Variants in FRS2 observed in about 807,000 individuals in gnomAD.
FRS2 encodes fibroblast growth factor receptor substrate 2.
Under a neutral mutation model 43.9 loss-of-function variants are expected in FRS2, and 8 were observed. The observed-to-expected ratio is 0.18, with a 90% CI of 0.11 to 0.33. The LOEUF (loss-of-function observed/expected upper bound fraction) is 0.33. Among genes scored for constraint, FRS2 ranks in the 10% least tolerant of loss-of-function variants. The pLI, the probability that FRS2 is intolerant of heterozygous loss-of-function variation, is 1.00. For synonymous variants in FRS2, 219 were observed against 220.3 expected (o/e 0.99, Z 0.05); for missense variants, 534 against 627.6 (o/e 0.85, Z 1.59).
chr12:69,500,449 G>T (rs956752472), intron 1 of FRS2, among the ~76,000 whole-genome samples: 7 of 152,184 alleles, frequency 4.6e-5, no homozygotes, highest in Admixed American at 4.6e-4. Flanking sequence ...TTCTCAGTGT[G>T]TTAGGAAGTT....
Position 69,521,544 on chromosome 12 carries a change from A to T in FRS2, c.-260-9321A>T, listed in dbSNP as rs147619428. 7.1e-3 allele frequency among the ~76,000 whole-genome samples: 1,078 copies of T among 152,264 alleles called. 14 individuals are homozygous for T. Among genetic ancestry groups the T allele is most frequent in the African/African-American group, 0.024 (1,014 of 41,554 alleles). On this transcript the variant is annotated intron_variant, in intron 1 of 8. Transcript: ENST00000549921. ...GTATGATGTTGGCTGTGGGTTTGTCATAGATAGCTCTAATTATTTTGAGGT... is the reference window on the plus strand; with the variant it reads ...GTATGATGTTGGCTGTGGGTTTGTCTTAGATAGCTCTAATTATTTTGAGGT...
chr12:69,487,560 CAA>C (rs1168562873), intron 1 of FRS2, among the ~76,000 whole-genome samples: 1 of 152,230 alleles, frequency 6.6e-6, no homozygotes, highest in Admixed American at 6.5e-5. Context: ...CCTGGTCACT[CAA>C]GAGCTGTGAT....
At chr12:69,478,724 A>ATGTGTGTGTGTGTGTGTG (rs59945124) in intron 1 of FRS2, among the ~76,000 whole-genome samples, 1 of 146,214 alleles carries the variant, frequency 6.8e-6, no homozygotes, top group Admixed American at 6.8e-5. Flanking sequence ...ATACATCATT[A>ATGTGTGTGTGTGTGTGTG]TGTGTGTGTG....
intron 3 of FRS2, among the ~76,000 whole-genome samples, chr12:69,548,347 A>G (rs1878595956): frequency 6.6e-6 from 1 of 152,228 alleles, no homozygotes; most frequent in African/African-American, 2.4e-5. Context: ...TTGAAGATAC[A>G]TCTGAAAGGA....
intron 1 of FRS2, among the ~76,000 whole-genome samples, chr12:69,507,593 G>A (rs1484252872): frequency 6.6e-6 from 1 of 152,142 alleles, no homozygotes; most frequent in Non-Finnish European, 1.5e-5. Context: ...AGACTGTGAT[G>A]TAGTTTTAAT....
At chr12:69,508,626 T>G (rs1414361132) in intron 1 of FRS2, among the ~76,000 whole-genome samples, 1 of 152,242 alleles carries the variant, frequency 6.6e-6, no homozygotes, top group Non-Finnish European at 1.5e-5. Context: ...ATGTGTAGTT[T>G]AAAAAGTCAA....
At position 69,523,029 on chromosome 12, in the gene FRS2, G is replaced by A. The variant is rs11536207; in HGVS notation, c.-260-7836G>A. ...TGTAGTTGATTTTAGAGTATGTGCC[G>A]TATGGCGATAAGAAGAATGTATATT... On this transcript the variant is annotated intron_variant, in intron 1 of 8. Transcript: ENST00000549921. Among the ~76,000 whole-genome samples, 5,338 of 152,254 alleles carry A rather than the reference G, an allele frequency of 0.035. 426 individuals are homozygous for A. In the East Asian group the frequency reaches 0.37, roughly 11 times the overall value.
intron 3 of FRS2, among the ~76,000 whole-genome samples, chr12:69,541,137 CT>C (rs781001542): frequency 2.5e-4 from 38 of 149,146 alleles, no homozygotes; most frequent in Non-Finnish European, 4.9e-4. Context: ...TACTTTGCAA[CT>C]TTTATTAGAT....
At chr12:69,561,305 G>T (rs1184024099) in intron 3 of FRS2, among the ~76,000 whole-genome samples, 1 of 152,168 alleles carries the variant, frequency 6.6e-6, no homozygotes, top group African/African-American at 2.4e-5. Flanking sequence ...TTGAAGTTCA[G>T]AGTTGAAATT....
chr12:69,564,770 G>A (rs1880147948), intron 4 of FRS2, among the ~76,000 whole-genome samples: 1 of 152,028 alleles, frequency 6.6e-6, no homozygotes, highest in Admixed American at 6.6e-5. Context: ...TCATACATAT[G>A]TTTATTTAAA....
intron 1 of FRS2, among the ~76,000 whole-genome samples, chr12:69,522,272 C>A (rs1207797494): frequency 1.3e-5 from 2 of 149,740 alleles, no homozygotes; most frequent in Non-Finnish European, 3.0e-5. Context: ...TGATGCTCAC[C>A]TCATAGAATG....
chr12:69,503,470 G>A (rs1005121936), intron 1 of FRS2, among the ~76,000 whole-genome samples: 2 of 152,090 alleles, frequency 1.3e-5, no homozygotes, highest in African/African-American at 2.4e-5. Flanking sequence ...CATGGAGCAG[G>A]GATTTTGGAT....
intron 3 of FRS2, among the ~76,000 whole-genome samples, chr12:69,556,471 TACAG>T (rs1397234752): frequency 3.3e-5 from 5 of 152,120 alleles, no homozygotes; most frequent in Non-Finnish European, 2.9e-5. Flanking sequence ...TAGCTGGGAC[TACAG>T]GCATGTACCA....
chr12:69,514,908 G>A (rs2135586256), intron 1 of FRS2, among the ~76,000 whole-genome samples: 1 of 152,040 alleles, frequency 6.6e-6, no homozygotes, highest in Non-Finnish European at 1.5e-5. Flanking sequence ...GAAATCATAT[G>A]GCAGGAGAAG....
At chr12:69,556,056 A>T (rs1879320210) in intron 3 of FRS2, among the ~76,000 whole-genome samples, 1 of 150,570 alleles carries the variant, frequency 6.6e-6, no homozygotes, top group Non-Finnish European at 1.5e-5. Flanking sequence ...ATGTGCACAT[A>T]GTCAATATTA....
chr12:69,472,554 T>A (rs1052779648), intron 1 of FRS2, among the ~76,000 whole-genome samples: 49 of 152,352 alleles, frequency 3.2e-4, no homozygotes, highest in Admixed American at 2.9e-3. Context: ...AATGTATTTT[T>A]AAGGGAAATA....
intron 3 of FRS2, among the ~76,000 whole-genome samples, chr12:69,556,472 A>G (rs1012215644): frequency 6.6e-6 from 1 of 152,020 alleles, no homozygotes; most frequent in Non-Finnish European, 1.5e-5. Flanking sequence ...AGCTGGGACT[A>G]CAGGCATGTA....
chr12:69,572,084 C>T, intron 7 of FRS2, 34 bp from the exon 8 acceptor site: 1 of 1,582,096 alleles, frequency 6.3e-7, no homozygotes. Context: ...CTGCCCCGCC[C>T]CCCTTTTCCT....
At chr12:69,540,283 A>G (rs1877771254) in intron 3 of FRS2, among the ~76,000 whole-genome samples, 1 of 151,778 alleles carries the variant, frequency 6.6e-6, no homozygotes, top group Non-Finnish European at 1.5e-5. Flanking sequence ...AAAAAAATTA[A>G]AAAATAAAAA....
Sources: gnomAD v4.1 joint callset for allele counts (sites outside exome capture counted in the v4.1 genomes callset) on GRCh38, gnomAD v4.1.1 for gene constraint, MANE v1.5 for transcripts, NCBI Gene and HGNC (gene_info 2026-07-23, HGNC 2026-07-21) for gene names.